PDZRN4: variants seen among roughly 807,000 people sequenced by gnomAD.
PDZRN4 encodes the protein PDZ domain-containing RING finger protein 4.
In PDZRN4, 70 loss-of-function variants were observed where a neutral mutation model predicts 99.0. That is an observed-to-expected ratio of 0.71 (90% CI 0.58 to 0.86). The LOEUF (loss-of-function observed/expected upper bound fraction) is 0.86. PDZRN4 is among the 40% of genes least tolerant of loss of function. The pLI is 0.00. For missense variants in PDZRN4, 1,474 were observed against 1,331.2 expected, an observed-to-expected ratio of 1.11 and a Z score of -1.67; for synonymous variants, 551 against 501.6, an observed-to-expected ratio of 1.10 and a Z score of -1.32.
intron 3 of PDZRN4, among the ~76,000 whole-genome samples, chr12:41,267,073 A>G (rs1951282697): frequency 1.3e-5 from 2 of 152,156 alleles, no homozygotes; most frequent in Admixed American, 1.3e-4. Flanking sequence ...CACGGGCTCT[A>G]CAAACTGCTA....
Position 41,506,675 on chromosome 12 carries a change from C to G in PDZRN4, c.1063C>G (p.Pro355Ala), listed in dbSNP as rs769999110. 13 of 1,613,546 alleles carry G rather than the reference C, an allele frequency of 8.1e-6. No individual in the cohort carries two copies. In the Admixed American group the frequency reaches 2.2e-4, roughly 27 times the overall value. ...GGCCAAGCTTCGTCCACCTACCCCTCCAGTGCCAGACATCTGTCCATTCCT... is the reference window on the plus strand; with the variant it reads ...GGCCAAGCTTCGTCCACCTACCCCTGCAGTGCCAGACATCTGTCCATTCCT... The part of the protein sequence containing the change: ...ALAKLRPPTP[P>A]VPDICPFLLS... The change falls in exon 4 of 10, where the codon CCA becomes GCA. Residue 355 changes from proline to alanine, a missense_variant. By Grantham distance (27) the Pro-to-Ala change is conservative. Coordinates refer to ENST00000402685, the MANE Select transcript of PDZRN4 (RefSeq NM_001164595.2).
chr12:41,509,770 C>A (rs1938274701), intron 4 of PDZRN4, 41 bp from the exon 5 acceptor site: 5 of 899,996 alleles, frequency 5.6e-6, no homozygotes, highest in Admixed American at 2.3e-5. Context: ...GGAAAACAAC[C>A]CATTTAATCT....
At chr12:41,502,395 G>C (rs771663804) in intron 3 of PDZRN4, among the ~76,000 whole-genome samples, 2 of 152,006 alleles carry the variant, frequency 1.3e-5, no homozygotes, top group Non-Finnish European at 2.9e-5. Context: ...TTTGGAAAAA[G>C]GCTCTTTTCC....
At chr12:41,301,817 T>C (rs893709158) in intron 3 of PDZRN4, among the ~76,000 whole-genome samples, 16 of 152,154 alleles carry the variant, frequency 1.1e-4, no homozygotes, top group South Asian at 2.1e-4. Flanking sequence ...GTCTCACAAT[T>C]CTAGATTTGA....
intron 5 of PDZRN4, among the ~76,000 whole-genome samples, chr12:41,520,383 C>G: frequency 6.6e-6 from 1 of 152,012 alleles, no homozygotes; most frequent in East Asian, 1.9e-4. Flanking sequence ...TCCAAGTACT[C>G]TGCACATGGT....
At chr12:41,392,036 C>T (rs1372309026) in intron 3 of PDZRN4, among the ~76,000 whole-genome samples, 1 of 152,074 alleles carries the variant, frequency 6.6e-6, no homozygotes, top group Admixed American at 6.6e-5. Flanking sequence ...AATGGAGAAA[C>T]TTGTTTTTTG....
At chr12:41,477,895 C>T in intron 3 of PDZRN4, 1 of 1,551,736 alleles carries the variant, frequency 6.4e-7, no homozygotes, top group Non-Finnish European at 8.7e-7. Context: ...AAACCTTTGG[C>T]ATTGTTGACA....
chr12:41,539,052 GAA>G (rs2120761271), intron 5 of PDZRN4, among the ~76,000 whole-genome samples: 1 of 152,018 alleles, frequency 6.6e-6, no homozygotes, highest in African/African-American at 2.4e-5. Context: ...ATCAAACTTA[GAA>G]GGTATGTGCA....
chr12:41,248,989 A>G (rs1951151348), intron 3 of PDZRN4, among the ~76,000 whole-genome samples: 1 of 152,158 alleles, frequency 6.6e-6, no homozygotes, highest in Admixed American at 6.6e-5. Context: ...TAGTACTTAG[A>G]TAGTTTTAGT....
chr12:41,381,302 C>T (rs1295712607), intron 3 of PDZRN4, among the ~76,000 whole-genome samples: 3 of 152,114 alleles, frequency 2.0e-5, no homozygotes, highest in Non-Finnish European at 4.4e-5. Context: ...ACTTTCTGCA[C>T]TTTCTGCAAC....
At chr12:41,221,725 A>G (rs1245600277) in intron 3 of PDZRN4, among the ~76,000 whole-genome samples, 1 of 152,086 alleles carries the variant, frequency 6.6e-6, no homozygotes, top group African/African-American at 2.4e-5. Context: ...AATCTGATTA[A>G]GGGTGTGTGT....
At chr12:41,226,919 C>T (rs1950998906) in intron 3 of PDZRN4, among the ~76,000 whole-genome samples, 2 of 152,112 alleles carry the variant, frequency 1.3e-5, no homozygotes, top group Non-Finnish European at 2.9e-5. Context: ...TTTCTATTGA[C>T]CATATTGTAC....
chr12:41,551,407 C>T (rs1939052440), intron 5 of PDZRN4, among the ~76,000 whole-genome samples: 1 of 152,040 alleles, frequency 6.6e-6, no homozygotes, highest in Non-Finnish European at 1.5e-5. Flanking sequence ...AACATTTAGA[C>T]CTTAGCACTC....
intron 3 of PDZRN4, among the ~76,000 whole-genome samples, chr12:41,271,725 G>A (rs1951315473): frequency 6.6e-6 from 1 of 152,090 alleles, no homozygotes; most frequent in South Asian, 2.1e-4. Flanking sequence ...ACATAAATCA[G>A]CGGTGACAAT....
chr12:41,474,345 A>G (rs1247818068), intron 3 of PDZRN4, among the ~76,000 whole-genome samples: 1 of 152,206 alleles, frequency 6.6e-6, no homozygotes, highest in Non-Finnish European at 1.5e-5. Context: ...ATTATTTTTA[A>G]TCTCTCATAA....
In PDZRN4 at chr12:41,572,840, C is replaced by T; in HGVS notation, c.2061C>T (p.His687=). 6.2e-7 allele frequency: 1 copy of T among 1,614,120 alleles called. No individual in the cohort carries two copies. Among genetic ancestry groups the T allele is most frequent in the Non-Finnish European group, 8.5e-7 (1 of 1,180,008 alleles). The change falls in exon 10 of 10, where the codon CAC becomes CAT. Residue 687 remains histidine (H), a synonymous_variant. Coordinates refer to ENST00000402685, the MANE Select transcript of PDZRN4 (RefSeq NM_001164595.2). ...ELECQNIMQA[H]RLQKVTDQYG... is the part of the protein sequence containing the mutation. ...AGTGTCAGAATATCATGCAGGCTCA[C>T]AGGCTCCAGAAAGTGACAGACCAGT... is the stretch of plus-strand genomic sequence containing the variant.
At chr12:41,568,692 AATGTATTCTAG>A (rs1221994339) in intron 9 of PDZRN4, among the ~76,000 whole-genome samples, 5 of 152,102 alleles carry the variant, frequency 3.3e-5, no homozygotes, top group Non-Finnish European at 5.9e-5. Flanking sequence ...AAACAAGTTC[AATGTATTCTAG>A]ATTTTTTATG....
rs540173723 is a variant in PDZRN4 at position 41,426,462 on chromosome 12, C to T, written c.844-79994C>T. ...TTCATGGCATGCAGGACCAAAGATG[C>T]TATGCTAAATGAAGTGGGTCCTCAT... On this transcript the variant is annotated intron_variant, in intron 3 of 9. Transcript: ENST00000402685. Among the ~76,000 whole-genome samples, 10 of 152,272 alleles carry T rather than the reference C, an allele frequency of 6.6e-5. No individual in the cohort carries two copies. The East Asian group carries it at 7.7e-4, about 12-fold the overall frequency.
intron 3 of PDZRN4, among the ~76,000 whole-genome samples, chr12:41,376,903 C>T (rs190898845): frequency 1.6e-3 from 250 of 152,094 alleles, no homozygotes; most frequent in Admixed American, 3.0e-3. Context: ...TTAAATTTTG[C>T]GAGTTGTGTA....
Sources: gnomAD v4.1 joint callset for allele counts (sites outside exome capture counted in the v4.1 genomes callset) on GRCh38, gnomAD v4.1.1 for gene constraint, MANE v1.5 for transcripts, NCBI Gene and HGNC (gene_info 2026-07-23, HGNC 2026-07-21) for gene names.